FARS2: variants seen among roughly 807,000 people sequenced by gnomAD.
The protein encoded by FARS2 is phenylalanyl-tRNA synthetase 2, mitochondrial.
Under a neutral mutation model 46.4 loss-of-function variants are expected in FARS2, and 40 were observed. The observed-to-expected ratio is 0.86, with a 90% CI of 0.67 to 1.12. The LOEUF (loss-of-function observed/expected upper bound fraction) is 1.12, where lower values mean the gene tolerates loss of function less well. FARS2 is among the 50% of genes most tolerant of loss of function. FARS2 has a pLI of 0.00. For synonymous variants in FARS2, 234 were observed against 214.9 expected (o/e 1.09, Z -0.78); for missense variants, 513 against 567.9 (o/e 0.90, Z 0.98).
chr6:5,562,865 G>A (rs141137120), intron 5 of FARS2, among the ~76,000 whole-genome samples: 20 of 149,200 alleles, frequency 1.3e-4, no homozygotes, highest in African/African-American at 4.0e-4. Context: ...GTGCAATGGC[G>A]CGATCTAGGC....
At chr6:5,703,533 C>G (rs1454646278) in intron 6 of FARS2, among the ~76,000 whole-genome samples, 1 of 152,196 alleles carries the variant, frequency 6.6e-6, no homozygotes, top group Non-Finnish European at 1.5e-5. Flanking sequence ...TATCCCACAA[C>G]TCTGGGTGTG....
At chr6:5,342,270 C>T (rs1295258635) in intron 1 of FARS2, among the ~76,000 whole-genome samples, 2 of 152,212 alleles carry the variant, frequency 1.3e-5, no homozygotes, top group Non-Finnish European at 2.9e-5. Flanking sequence ...TACTTCATTA[C>T]AGTCAAGCAC....
intron 6 of FARS2, among the ~76,000 whole-genome samples, chr6:5,653,888 G>T (rs948474217): frequency 2.6e-5 from 4 of 152,126 alleles, no homozygotes; most frequent in African/African-American, 9.7e-5. Context: ...GTGGAGAAGG[G>T]CAGGCTGCCT....
At chr6:5,682,346 G>A (rs1306885634) in intron 6 of FARS2, among the ~76,000 whole-genome samples, 1 of 152,042 alleles carries the variant, frequency 6.6e-6, no homozygotes, top group Non-Finnish European at 1.5e-5. Flanking sequence ...TTTTAAATTC[G>A]GCAATAAATA....
chr6:5,518,301 T>G (rs1768933739), intron 4 of FARS2, among the ~76,000 whole-genome samples: 1 of 152,198 alleles, frequency 6.6e-6, no homozygotes, highest in Non-Finnish European at 1.5e-5. Context: ...TGGGCAGTTG[T>G]GTCACAAAAC....
intron 4 of FARS2, among the ~76,000 whole-genome samples, chr6:5,504,333 G>C (rs756303383): frequency 6.6e-6 from 1 of 150,656 alleles, no homozygotes; most frequent in Non-Finnish European, 1.5e-5. Context: ...ATTAATATGA[G>C]AGCTTGATCT....
At chr6:5,692,241 C>G (rs1202521865) in intron 6 of FARS2, among the ~76,000 whole-genome samples, 1 of 152,214 alleles carries the variant, frequency 6.6e-6, no homozygotes, top group African/African-American at 2.4e-5. Flanking sequence ...CCCGGTACCT[C>G]AGTTGGAAAT....
Position 5,426,256 on chromosome 6 carries a change from A to C in FARS2, c.773-4785A>C, listed in dbSNP as rs573012800. Among the ~76,000 whole-genome samples, 474 of 152,342 alleles carry C rather than the reference A, an allele frequency of 3.1e-3. 1 individual carries two copies. The highest frequency in any genetic ancestry group is 5.5e-3 in the Non-Finnish European group (374 of 68,024). ...GCACTTAATTTTCCTCTATAGCCCC[A>C]ATAAGAAGTTAGTCTTATGCATAAT... On this transcript the variant is annotated intron_variant, in intron 3 of 6. Coordinates refer to ENST00000274680, the MANE Select transcript of FARS2 (RefSeq NM_006567.5).
At chr6:5,580,926 C>T (rs1037373128) in intron 5 of FARS2, among the ~76,000 whole-genome samples, 1 of 152,138 alleles carries the variant, frequency 6.6e-6, no homozygotes, top group Non-Finnish European at 1.5e-5. Flanking sequence ...TTAGTATGAA[C>T]GATAAACAGA....
intron 1 of FARS2, among the ~76,000 whole-genome samples, chr6:5,352,303 A>G (rs1757627151): frequency 6.7e-6 from 1 of 150,366 alleles, no homozygotes; most frequent in Non-Finnish European, 1.5e-5. Flanking sequence ...GTTCACTTTG[A>G]TTTCTGGGAG....
rs552664275 is a variant in FARS2 at position 5,562,869 on chromosome 6, T to C, written c.1065+17529T>C. On this transcript the variant is annotated intron_variant, in intron 5 of 6. Transcript: ENST00000274680. ...CCCAGGCCGGAGTGCAATGGCGCGA[T>C]CTAGGCTCAGTGCAACCTCTATCTC... is the stretch of plus-strand genomic sequence containing the variant. 3.7e-4 allele frequency among the ~76,000 whole-genome samples: 56 copies of C among 151,738 alleles called. 2 individuals are homozygous for C. The South Asian group carries it at 0.011, about 30-fold the overall frequency.
intron 4 of FARS2, 36 bp from the exon 5 acceptor site, chr6:5,545,144 C>T: frequency 6.2e-7 from 1 of 1,608,998 alleles, no homozygotes; most frequent in Non-Finnish European, 8.5e-7. Flanking sequence ...AATCTCGATA[C>T]TTTTTAAAAA....
chr6:5,450,440 C>T (rs866413623), intron 4 of FARS2, among the ~76,000 whole-genome samples: 5 of 151,400 alleles, frequency 3.3e-5, no homozygotes, highest in Non-Finnish European at 5.9e-5. Context: ...GGGTTTGGGG[C>T]GGCCTTGGTC....
rs1179680251 is a variant in FARS2, at chr6:5,368,679, C to G, written c.109C>G (p.Pro37Ala). 1.2e-6 allele frequency: 2 copies of G among 1,614,170 alleles called. No individual in the cohort carries two copies. The highest frequency in any genetic ancestry group is 1.7e-6 in the Non-Finnish European group (2 of 1,180,038). The change falls in exon 2 of 7, where the codon CCT becomes GCT. Residue 37 changes from proline to alanine, a missense_variant. By Grantham distance (27) the Pro-to-Ala change is conservative (BLOSUM62 -1). Coordinates refer to ENST00000274680, the MANE Select transcript of FARS2 (RefSeq NM_006567.5). ...HQHQAWGSRP[P>A]AAECATQRAP... ...GCACCAGGCCTGGGGATCGAGGCCT[C>G]CTGCAGCAGAGTGTGCCACCCAAAG...
chr6:5,274,492 C>T (rs146203995), intron 1 of FARS2, among the ~76,000 whole-genome samples: 39 of 152,308 alleles, frequency 2.6e-4, no homozygotes, highest in African/African-American at 5.5e-4. Flanking sequence ...GTGTCATCTT[C>T]TCCCCTGCTT....
chr6:5,557,578 C>T (rs1004642687), intron 5 of FARS2, among the ~76,000 whole-genome samples: 2 of 152,078 alleles, frequency 1.3e-5, no homozygotes, highest in East Asian at 1.9e-4. Context: ...TATTTCACAA[C>T]GAACAATGCC....
chr6:5,277,171 T>C (rs537755583), intron 1 of FARS2, among the ~76,000 whole-genome samples: 18 of 152,172 alleles, frequency 1.2e-4, no homozygotes, highest in African/African-American at 4.3e-4. Flanking sequence ...ACAAAGCTTT[T>C]GCATTTGTCA....
At chr6:5,398,344 G>A (rs974428095) in intron 2 of FARS2, among the ~76,000 whole-genome samples, 82 of 152,126 alleles carry the variant, frequency 5.4e-4, no homozygotes, top group African/African-American at 1.9e-3. Flanking sequence ...ATTTATATCA[G>A]TATGGCTTCA....
In FARS2 at chr6:5,641,050, G is replaced by C. The variant is rs57584254; in HGVS notation, c.1217+27730G>C. Among the ~76,000 whole-genome samples the C allele has an allele frequency of 1.0e-2, 1,521 of 152,262 alleles. 37 individuals carry two copies. The highest frequency in any genetic ancestry group is 0.034 in the African/African-American group (1,418 of 41,522). ...CCTCCCAGTGCAGGCTGGAGAGGAGGCCAGCTTGTCATCCTCTGGGGAAGA... is the reference window on the plus strand; with the variant it reads ...CCTCCCAGTGCAGGCTGGAGAGGAGCCCAGCTTGTCATCCTCTGGGGAAGA... On this transcript the variant is annotated intron_variant, in intron 6 of 6. Transcript: ENST00000274680.
Sources: gnomAD v4.1 joint callset for allele counts (sites outside exome capture counted in the v4.1 genomes callset) on GRCh38, gnomAD v4.1.1 for gene constraint, MANE v1.5 for transcripts, NCBI Gene and HGNC (gene_info 2026-07-23, HGNC 2026-07-21) for gene names.